The following EYA4 variants were observed in gnomAD, a reference collection of about 807,000 sequenced individuals.
EYA4 encodes EYA transcriptional coactivator and phosphatase 4.
Under a neutral mutation model 87.9 loss-of-function variants are expected in EYA4, and 31 were observed. That is an observed-to-expected ratio of 0.35 (90% CI 0.27 to 0.48). EYA4 has a LOEUF of 0.48. Ranked by LOEUF, EYA4 falls within the 20% of genes least tolerant of loss-of-function variation. EYA4 has a pLI of 0.99. For synonymous variants in EYA4, 263 were observed against 270.6 expected, an observed-to-expected ratio of 0.97 and a Z score of 0.28; for missense variants, 678 against 761.4, an observed-to-expected ratio of 0.89 and a Z score of 1.29.
intron 3 of EYA4, among the ~76,000 whole-genome samples, chr6:133,394,028 C>A (rs1316818037): frequency 1.3e-5 from 2 of 152,202 alleles, no homozygotes; most frequent in African/African-American, 4.8e-5. Context: ...TTTCAGTTGT[C>A]TTAGCAACCT....
intron 2 of EYA4, among the ~76,000 whole-genome samples, chr6:133,337,750 C>A (rs1450898788): frequency 6.6e-6 from 1 of 152,174 alleles, no homozygotes; most frequent in Non-Finnish European, 1.5e-5. Context: ...AAACACTTTT[C>A]TATGCTGTTT....
At chr6:133,475,083 G>A (rs1304716518) in intron 11 of EYA4, among the ~76,000 whole-genome samples, 2 of 151,946 alleles carry the variant, frequency 1.3e-5, no homozygotes, top group Non-Finnish European at 2.9e-5. Context: ...AAAAGCCTAG[G>A]GCAATTTTGT....
chr6:133,452,256 G>T (rs1318945495), intron 5 of EYA4, among the ~76,000 whole-genome samples: 1 of 152,150 alleles, frequency 6.6e-6, no homozygotes, highest in Non-Finnish European at 1.5e-5. Flanking sequence ...AGAAAGAAGT[G>T]TATGTGGAAT....
At chr6:133,525,517 A>G (rs953116972) in intron 19 of EYA4, among the ~76,000 whole-genome samples, 1 of 152,182 alleles carries the variant, frequency 6.6e-6, no homozygotes, top group Non-Finnish European at 1.5e-5. Context: ...GTAAATATAT[A>G]TAGTAACATA....
In EYA4 at chr6:133,525,323, T is replaced by C; in HGVS notation, c.1839+69T>C. 7 of 1,306,158 alleles carry C rather than the reference T, an allele frequency of 5.4e-6. No homozygotes were observed. The South Asian group carries it at 8.4e-5, about 16-fold the overall frequency. The allele number at this position is 1,306,158 out of a possible 1,614,324, so 80.9% of individuals were successfully genotyped here. A position where few individuals can be genotyped will look rare whatever the true frequency, so the allele number is the denominator to read the frequency against. On this transcript the variant is annotated intron_variant, in intron 19 of 19. Coordinates refer to ENST00000355286, the MANE Select transcript of EYA4 (RefSeq NM_004100.5). ...GCCTTTTTGTTTGCATTTCTGTAGT[T>C]TGGCCCAATGGCAGCTTGACAAATG...
intron 3 of EYA4, among the ~76,000 whole-genome samples, chr6:133,396,818 G>T (rs187645277): frequency 6.6e-6 from 1 of 152,078 alleles, no homozygotes; most frequent in South Asian, 2.1e-4. Context: ...TTCTTTCTGC[G>T]CAGGGCTGAC....
At chr6:133,376,937 T>G (rs1259544542) in intron 2 of EYA4, among the ~76,000 whole-genome samples, 1 of 152,004 alleles carries the variant, frequency 6.6e-6, no homozygotes, top group East Asian at 1.9e-4. Flanking sequence ...ATAAGAGAAA[T>G]GACATTTAAA....
intron 2 of EYA4, among the ~76,000 whole-genome samples, chr6:133,283,110 A>G (rs1233065062): frequency 2.0e-5 from 3 of 152,182 alleles, no homozygotes; most frequent in African/African-American, 4.8e-5. Flanking sequence ...CCTGGCCAAC[A>G]TGGTGAAACC....
At chr6:133,278,589 G>A (rs1777372455) in intron 2 of EYA4, among the ~76,000 whole-genome samples, 1 of 152,064 alleles carries the variant, frequency 6.6e-6, no homozygotes, top group South Asian at 2.1e-4. Flanking sequence ...AAGCCAAAAT[G>A]TTATTCTCAG....
intron 2 of EYA4, among the ~76,000 whole-genome samples, chr6:133,333,961 A>C (rs1000048055): frequency 1.3e-5 from 2 of 152,126 alleles, no homozygotes; most frequent in Admixed American, 6.5e-5. Context: ...ATACTAAGGA[A>C]ATCTTTCTTT....
chr6:133,391,227 T>TGTTTTTGTTTTTGTTTTTGTTTTTG (rs71003639), intron 3 of EYA4, among the ~76,000 whole-genome samples: 8 of 145,798 alleles, frequency 5.5e-5, no homozygotes, highest in Non-Finnish European at 1.1e-4. Flanking sequence ...TTTTTGTTTT[T>TGTTTTTGTTTTTGTTTTTGTTTTTG]TTTTTTTTTT....
rs138132262 is a variant in EYA4, at chr6:133,421,770, A to G, written c.84-24860A>G. Among the ~76,000 whole-genome samples, 42 of 152,344 alleles carry G rather than the reference A, an allele frequency of 2.8e-4. No homozygotes were observed. In the East Asian group the frequency reaches 8.1e-3, roughly 29 times the overall value. ...TTCACATAATCAAAAGCTGAAGTGT[A>G]TGCAGGATCAGCTTAATCAGGACAG... On this transcript the variant is annotated intron_variant, in intron 3 of 19. Coordinates refer to ENST00000355286, the MANE Select transcript of EYA4 (RefSeq NM_004100.5).
intron 2 of EYA4, among the ~76,000 whole-genome samples, chr6:133,354,215 G>A (rs1783846971): frequency 6.6e-6 from 1 of 152,070 alleles, no homozygotes; most frequent in Non-Finnish European, 1.5e-5. Flanking sequence ...CAGCTTCTGT[G>A]ACAAAATGTC....
chr6:133,295,551 A>C (rs1778883636), intron 2 of EYA4, among the ~76,000 whole-genome samples: 1 of 152,204 alleles, frequency 6.6e-6, no homozygotes, highest in Admixed American at 6.5e-5. Context: ...TATATATGAC[A>C]TAATTTTTCA....
At chr6:133,272,551 A>G (rs955212218) in intron 1 of EYA4, among the ~76,000 whole-genome samples, 1 of 152,202 alleles carries the variant, frequency 6.6e-6, no homozygotes. Flanking sequence ...GTTTCCACCA[A>G]AGCCCAGTAA....
At chr6:133,260,276 T>C (rs984330106) in intron 1 of EYA4, among the ~76,000 whole-genome samples, 4 of 152,254 alleles carry the variant, frequency 2.6e-5, no homozygotes, top group Admixed American at 1.3e-4. Context: ...TGTGCTCTGT[T>C]GCCCAGGCTG....
intron 2 of EYA4, among the ~76,000 whole-genome samples, chr6:133,326,465 C>T (rs1031076370): frequency 5.9e-5 from 9 of 152,172 alleles, no homozygotes; most frequent in African/African-American, 2.2e-4. Context: ...TGAAACACTT[C>T]TGGTCCCAAG....
At chr6:133,470,199 T>C (rs1354572043) in intron 11 of EYA4, among the ~76,000 whole-genome samples, 3 of 134,444 alleles carry the variant, frequency 2.2e-5, no homozygotes, top group Non-Finnish European at 4.7e-5. Context: ...GCCTAGGTTT[T>C]CTTCTAGGGT....
At chr6:133,279,528 T>C (rs1363482909) in intron 2 of EYA4, among the ~76,000 whole-genome samples, 1 of 152,146 alleles carries the variant, frequency 6.6e-6, no homozygotes, top group African/African-American at 2.4e-5. Context: ...TTCATAGACA[T>C]GTTTCAGTAA....
Sources: allele counts gnomAD v4.1 joint callset (sites outside exome capture counted in the v4.1 genomes callset), GRCh38; gene constraint gnomAD v4.1.1; transcripts MANE v1.5; gene names NCBI Gene and HGNC (gene_info 2026-07-23, HGNC 2026-07-21).